LRBA: variants seen among roughly 807,000 people sequenced by gnomAD.
The protein encoded by LRBA is lipopolysaccharide-responsive and beige-like anchor protein.
Under a neutral mutation model 330.0 loss-of-function variants are expected in LRBA, and 176 were observed. The ratio of observed to expected loss-of-function variants is 0.53; its 90% confidence interval spans 0.47 to 0.60. LRBA has a LOEUF of 0.60. LRBA is among the 20% of genes least tolerant of loss of function. The probability of loss-of-function intolerance (pLI) is 0.00; values close to 1 mark genes in which losing one functional copy is unlikely to be tolerated. For missense variants in LRBA, 3,259 were observed against 3,444.8 expected, an observed-to-expected ratio of 0.95 and a Z score of 1.35; for synonymous variants, 1,230 against 1,193.0, an observed-to-expected ratio of 1.03 and a Z score of -0.64.
At chr4:150,672,840 C>T (rs903022552) in intron 37 of LRBA, among the ~76,000 whole-genome samples, 1 of 152,090 alleles carries the variant, frequency 6.6e-6, no homozygotes, top group African/African-American at 2.4e-5. Flanking sequence ...AAGCCTGGCA[C>T]ATAATAGGTG....
intron 37 of LRBA, among the ~76,000 whole-genome samples, chr4:150,652,444 C>T (rs537089371): frequency 1.3e-5 from 2 of 152,180 alleles, no homozygotes; most frequent in South Asian, 2.1e-4. Context: ...TCTAATTATG[C>T]TCTTGTTCTT....
Position 150,897,818 on chromosome 4 carries a change from T to C in LRBA, c.1925A>G (p.Asp642Gly), listed in dbSNP as rs769036422. 1.9e-6 allele frequency: 3 copies of C among 1,607,458 alleles called. No individual in the cohort carries two copies. Among genetic ancestry groups the C allele is most frequent in the African/African-American group, 1.3e-5 (1 of 74,838 alleles). The change falls in exon 15 of 57, where the codon GAT becomes GGT. Residue 642 changes from aspartate to glycine, a missense_variant and splice_region_variant. Coordinates refer to ENST00000651943, the MANE Select transcript of LRBA (RefSeq NM_001364905.1). ...DRSGITPKGL[D>G]GPRPNQKEML... ...TTCTTTTTGATTAGGTCGCGGTCCA[T>C]CTTTTAAAAAAATATACACATACAC...
At chr4:150,823,268 G>T (rs112858826) in intron 30 of LRBA, among the ~76,000 whole-genome samples, 1 of 151,964 alleles carries the variant, frequency 6.6e-6, no homozygotes, top group African/African-American at 2.4e-5. Flanking sequence ...TTATCATTTC[G>T]TTTAAAATGT....
At chr4:150,580,176 T>A in intron 40 of LRBA, 1 of 159,744 alleles carries the variant, frequency 6.3e-6, no homozygotes, top group South Asian at 1.7e-4. Context: ...GCAGCCCAAG[T>A]CTCTGCCACT....
At chr4:150,708,886 CA>C (rs1561538345) in intron 36 of LRBA, among the ~76,000 whole-genome samples, 3 of 151,708 alleles carry the variant, frequency 2.0e-5, no homozygotes, top group Admixed American at 2.0e-4. Flanking sequence ...AATCCAAATT[CA>C]AATTGTTAAT....
Position 150,265,249 on chromosome 4 carries a change from A to G in LRBA, c.*473T>C, listed in dbSNP as rs537509325. On this transcript the variant is annotated 3_prime_UTR_variant, in exon 57 of 57. Coordinates refer to ENST00000651943, the MANE Select transcript of LRBA (RefSeq NM_001364905.1). ...CATTTACCATAATTTAAACATTACT[A>G]TTTAAATCCCAGAAATATTAGTGCT... is the stretch of plus-strand genomic sequence containing the variant. 62 of 157,278 alleles carry G rather than the reference A, an allele frequency of 3.9e-4. No homozygotes were observed. Among genetic ancestry groups the G allele is most frequent in the Non-Finnish European group, 7.4e-4 (52 of 70,494 alleles). 9.7% of individuals were successfully genotyped at this position (157,278 alleles called of 1,614,324 possible).
chr4:150,355,709 T>G (rs967885756), intron 47 of LRBA, among the ~76,000 whole-genome samples: 9 of 152,056 alleles, frequency 5.9e-5, no homozygotes, highest in Non-Finnish European at 2.9e-5. Flanking sequence ...TGACTTGAAA[T>G]ACATTTACTT....
At chr4:151,007,673 C>T (rs566501478) in intron 2 of LRBA, among the ~76,000 whole-genome samples, 31 of 151,460 alleles carry the variant, frequency 2.0e-4, no homozygotes, top group African/African-American at 7.0e-4. Context: ...CTGGCTAACA[C>T]GGTGAAACCA....
At chr4:150,846,600 T>C (rs1468101310) in intron 26 of LRBA, among the ~76,000 whole-genome samples, 1 of 151,806 alleles carries the variant, frequency 6.6e-6, no homozygotes, top group Non-Finnish European at 1.5e-5. Context: ...GGTCTGATGA[T>C]GAGAAATTAT....
chr4:150,583,371 C>G lies in LRBA; in HGVS notation c.6330+4677G>C, dbSNP rs199822938. On this transcript the variant is annotated intron_variant, in intron 40 of 56. Transcript: ENST00000651943. This position sits in a 1 kb window ranked among gnomAD's most constrained non-coding sequence, Gnocchi z 9.8. ...GGAAGCGGAGCATGTCTCTCTGGGT[C>G]GAGTTCATCACGGCGTCGGGCTATC... The G allele has an allele frequency of 2.5e-6, 4 of 1,614,128 alleles. No homozygotes were observed. The East Asian group carries it at 6.7e-5, about 27-fold the overall frequency.
intron 33 of LRBA, among the ~76,000 whole-genome samples, chr4:150,805,494 A>AAAG (rs1553965470): frequency 1.9e-5 from 2 of 102,802 alleles, no homozygotes; most frequent in South Asian, 3.6e-4. Context: ...AAAGGAAAGG[A>AAAG]GAAGGAGGAG....
rs143834311 is a variant in LRBA, at chr4:150,826,595, C to T, written c.5171+1585G>A. On this transcript the variant is annotated intron_variant, in intron 30 of 56. Coordinates refer to ENST00000651943, the MANE Select transcript of LRBA (RefSeq NM_001364905.1). ...TCTATTGATACTTTGTCCCTAAAGT[C>T]AGGAAGTACCTTATCAGTAAGAGAT... Among the ~76,000 whole-genome samples the T allele has an allele frequency of 4.5e-3, 679 of 152,252 alleles. 4 individuals are homozygous for T. The highest frequency in any genetic ancestry group is 0.016 in the African/African-American group (657 of 41,540).
intron 30 of LRBA, among the ~76,000 whole-genome samples, chr4:150,826,182 G>A (rs895786415): frequency 7.2e-5 from 11 of 152,120 alleles, no homozygotes; most frequent in African/African-American, 2.7e-4. Context: ...TGCCAGCAAA[G>A]GATGATCAAG....
At chr4:150,876,511 C>T (rs1243290236) in intron 17 of LRBA, among the ~76,000 whole-genome samples, 1 of 152,182 alleles carries the variant, frequency 6.6e-6, no homozygotes, top group African/African-American at 2.4e-5. Context: ...TAACAGCAGA[C>T]TTCTTGGCAG....
chr4:150,572,764 C>T (rs1007124690), intron 40 of LRBA, among the ~76,000 whole-genome samples: 1 of 152,144 alleles, frequency 6.6e-6, no homozygotes, highest in African/African-American at 2.4e-5. Context: ...TGGATGCATA[C>T]TGTCAGTGCT....
At chr4:150,442,074 A>G (rs1157530739) in intron 44 of LRBA, among the ~76,000 whole-genome samples, 2 of 152,184 alleles carry the variant, frequency 1.3e-5, no homozygotes, top group South Asian at 4.1e-4. Context: ...CTACTGGACT[A>G]TACTTATAGT....
In LRBA at chr4:150,350,065, A is replaced by C. The variant is rs374717449; in HGVS notation, c.7289T>G (p.Leu2430Arg). Residue 2430 changes from leucine (L) to arginine (R), a missense_variant, in exon 48 of 57, where the codon CTC becomes CGC. By Grantham distance (102) the Leu-to-Arg change is moderately radical (BLOSUM62 -2). Coordinates refer to ENST00000651943, the MANE Select transcript of LRBA (RefSeq NM_001364905.1). ...ATAGGTCAAGTAATAGAACACATTG[A>C]GGGCTCGGACAGCTTCTGGTCCTTG... ...KQQGPEAVRA[L>R]NVFYYLTYEG... 1.2e-6 allele frequency: 2 copies of C among 1,613,634 alleles called. No homozygotes were observed. The highest frequency in any genetic ancestry group is 2.7e-5 in the African/African-American group (2 of 74,908).
chr4:151,005,558 G>A (rs1743955581), intron 2 of LRBA, among the ~76,000 whole-genome samples: 1 of 132,888 alleles, frequency 7.5e-6, no homozygotes, highest in Non-Finnish European at 1.5e-5. Flanking sequence ...TAATGACACT[G>A]TTCTTTTTTT....
intron 51 of LRBA, 174 bp downstream of exon 51, chr4:150,315,387 G>A (rs1731587941): frequency 1.5e-6 from 1 of 661,720 alleles, no homozygotes; most frequent in Non-Finnish European, 2.7e-6. Flanking sequence ...CAACGAGGGG[G>A]AGTTGATGAA....
Sources: gnomAD v4.1 joint callset for allele counts (sites outside exome capture counted in the v4.1 genomes callset) on GRCh38, gnomAD v4.1.1 for gene constraint, Gnocchi (gnomAD v3.1) non-coding constraint, MANE v1.5 for transcripts, NCBI Gene and HGNC (gene_info 2026-07-23, HGNC 2026-07-21) for gene names.